Variants in WDR17 observed in about 807,000 individuals in gnomAD.
WDR17 encodes the protein WD repeat-containing protein 17.
Under a neutral mutation model 161.7 loss-of-function variants are expected in WDR17, and 143 were observed. The observed-to-expected ratio is 0.88, with a 90% CI of 0.77 to 1.02. The LOEUF (loss-of-function observed/expected upper bound fraction) is 1.02. Ranked by LOEUF, WDR17 falls within the 50% of genes least tolerant of loss-of-function variation. WDR17 has a pLI of 0.00. For missense variants in WDR17, 1,469 were observed against 1,520.9 expected, an observed-to-expected ratio of 0.97 and a Z score of 0.57; for synonymous variants, 517 against 515.6, an observed-to-expected ratio of 1.00 and a Z score of -0.04.
At chr4:176,102,930 A>C (rs530510744) in intron 1 of WDR17, among the ~76,000 whole-genome samples, 1 of 152,314 alleles carries the variant, frequency 6.6e-6, no homozygotes, top group South Asian at 2.1e-4. Context: ...CAAGCAGCTT[A>C]TGTGAACCAG....
At chr4:176,176,975 T>C in intron 26 of WDR17, 83 bp from the exon 27 acceptor site, 3 of 930,678 alleles carry the variant, frequency 3.2e-6, no homozygotes, top group Non-Finnish European at 5.2e-6. Context: ...TATATAAATC[T>C]AAAATCACAT....
chr4:176,144,259 T>C (rs146412874), intron 11 of WDR17, among the ~76,000 whole-genome samples: 1 of 152,328 alleles, frequency 6.6e-6, no homozygotes, highest in East Asian at 1.9e-4. Context: ...CCATATAATA[T>C]GCCTTTGGAG....
At chr4:176,143,068 G>T (rs1397979162) in intron 11 of WDR17, among the ~76,000 whole-genome samples, 1 of 152,082 alleles carries the variant, frequency 6.6e-6, no homozygotes, top group African/African-American at 2.4e-5. Context: ...TAGTAGAGAC[G>T]GGGTTTCTCC....
At chr4:176,074,193 T>A (rs1027657780) in intron 1 of WDR17, among the ~76,000 whole-genome samples, 1 of 151,544 alleles carries the variant, frequency 6.6e-6, no homozygotes, top group Non-Finnish European at 1.5e-5. Flanking sequence ...ATGTCCTGAA[T>A]GGTATTGCCT....
chr4:176,087,031 A>G (rs1735506857), intron 1 of WDR17, among the ~76,000 whole-genome samples: 1 of 151,928 alleles, frequency 6.6e-6, no homozygotes, highest in Non-Finnish European at 1.5e-5. Context: ...CTTTTGTGTT[A>G]CTGTTTTCAT....
At chr4:176,119,810 T>C (rs947030439) in intron 3 of WDR17, 57 bp from the exon 4 acceptor site, 2 of 1,428,874 alleles carry the variant, frequency 1.4e-6, no homozygotes, top group Non-Finnish European at 2.0e-6. Context: ...AAGTAATATT[T>C]AATGGTGTAA....
At chr4:176,113,497 G>A (rs1382366164) in intron 2 of WDR17, among the ~76,000 whole-genome samples, 2 of 151,996 alleles carry the variant, frequency 1.3e-5, no homozygotes, top group African/African-American at 4.8e-5. Flanking sequence ...TAATTTAGAA[G>A]CTGATGCAAA....
At chr4:176,152,437 T>C (rs1024676717) in intron 17 of WDR17, among the ~76,000 whole-genome samples, 1 of 148,758 alleles carries the variant, frequency 6.7e-6, no homozygotes, top group Non-Finnish European at 1.5e-5. Flanking sequence ...TCTGCTAAAA[T>C]ACAGAAAAAC....
Position 176,162,163 on chromosome 4 carries a change from GATA to G in WDR17, c.2843_2845del (p.Asn948del). On this transcript the variant is annotated inframe_deletion, in exon 21 of 29. Transcript: ENST00000508596. Reference sequence around the variant, plus strand: ...AGCCGCATGTTGCCATCTTGCCATAGATAATATTGAGGTACGACATTTAAAACT... The same window carrying G: ...AGCCGCATGTTGCCATCTTGCCATAGATATTGAGGTACGACATTTAAAACT... 6.2e-7 allele frequency: 1 copy of G among 1,612,314 alleles called. No homozygotes were observed. The highest frequency in any genetic ancestry group is 1.1e-5 in the South Asian group (1 of 90,812).
At chr4:176,140,449 T>A (rs1044938993) in intron 10 of WDR17, among the ~76,000 whole-genome samples, 1 of 152,156 alleles carries the variant, frequency 6.6e-6, no homozygotes, top group Non-Finnish European at 1.5e-5. Flanking sequence ...GGGAAATGCC[T>A]TTTGTTAGGA....
intron 11 of WDR17, among the ~76,000 whole-genome samples, chr4:176,142,358 T>C (rs1745417847): frequency 6.6e-6 from 1 of 152,214 alleles, no homozygotes; most frequent in South Asian, 2.1e-4. Flanking sequence ...ATGAGTCCAT[T>C]GCATGTATGG....
intron 2 of WDR17, among the ~76,000 whole-genome samples, chr4:176,115,332 A>G (rs1054710893): frequency 1.3e-5 from 2 of 152,032 alleles, no homozygotes; most frequent in African/African-American, 4.8e-5. Flanking sequence ...TAAAATAAAA[A>G]GAGTGAATGA....
Position 176,125,367 on chromosome 4 carries a change from C to T in WDR17, c.790+12C>T. 6.2e-7 allele frequency: 1 copy of T among 1,611,662 alleles called. No homozygotes were observed. Among genetic ancestry groups the T allele is most frequent in the Non-Finnish European group, 8.5e-7 (1 of 1,178,538 alleles). On this transcript the variant is annotated intron_variant, in intron 5 of 28. Coordinates refer to ENST00000508596, the MANE Select transcript of WDR17 (RefSeq NM_181265.4). The stretch of plus-strand genomic sequence containing the variant: ...GTTTATAACTGGAGGTAAGCTAATC[C>T]CCATAACCCAGAGTTTTAAATACGT...
intron 11 of WDR17, among the ~76,000 whole-genome samples, chr4:176,144,903 T>C (rs903759637): frequency 3.9e-5 from 6 of 152,076 alleles, no homozygotes; most frequent in African/African-American, 9.7e-5. Context: ...TATACTCATA[T>C]ATGCATGTAA....
At chr4:176,078,410 A>G (rs960875956) in intron 1 of WDR17, among the ~76,000 whole-genome samples, 1 of 152,124 alleles carries the variant, frequency 6.6e-6, no homozygotes, top group African/African-American at 2.4e-5. Context: ...ATACAAATGT[A>G]ATGATTGCAC....
intron 23 of WDR17, among the ~76,000 whole-genome samples, chr4:176,171,844 T>C (rs549617227): frequency 9.9e-5 from 15 of 152,234 alleles, no homozygotes; most frequent in African/African-American, 3.4e-4. Flanking sequence ...AAATCTCCAT[T>C]TCATGGCATT....
At chr4:176,179,359 A>G in intron 28 of WDR17, 101 bp from the exon 29 acceptor site, 1 of 1,244,596 alleles carries the variant, frequency 8.0e-7, no homozygotes. Context: ...TTGCCTAAAT[A>G]TTATGTTTTT....
At chr4:176,110,886 G>T (rs1739607532) in intron 1 of WDR17, among the ~76,000 whole-genome samples, 2 of 152,168 alleles carry the variant, frequency 1.3e-5, no homozygotes, top group Admixed American at 1.3e-4. Context: ...TACGTTGTCT[G>T]CATCTCTGGG....
Position 176,172,363 on chromosome 4 carries a change from A to G in WDR17, c.3103-12A>G. On this transcript the variant is annotated splice_polypyrimidine_tract_variant and intron_variant, in intron 23 of 28. Transcript: ENST00000508596. ...TTTTAGTAACATTGTTTTCAAATCA[A>G]TTATTTTCTAGTGTAAGCTACCCAC... 1 of 1,600,624 alleles carries G rather than the reference A, an allele frequency of 6.2e-7. No homozygotes were observed. The highest frequency in any genetic ancestry group is 8.5e-7 in the Non-Finnish European group (1 of 1,176,596).
Sources: allele counts gnomAD v4.1 joint callset (sites outside exome capture counted in the v4.1 genomes callset), GRCh38; gene constraint gnomAD v4.1.1; transcripts MANE v1.5; gene names NCBI Gene and HGNC (gene_info 2026-07-23, HGNC 2026-07-21).